PDE3B: variants seen among roughly 807,000 people sequenced by gnomAD.
The protein encoded by PDE3B is phosphodiesterase 3B.
A neutral mutation model predicts 116.8 loss-of-function variants in PDE3B; 66 were observed. The observed-to-expected ratio is 0.56, with a 90% CI of 0.46 to 0.69. The LOEUF (loss-of-function observed/expected upper bound fraction) is 0.69. PDE3B is among the 30% of genes least tolerant of loss of function. The probability of loss-of-function intolerance (pLI) is 0.00; values close to 1 mark genes in which losing one functional copy is unlikely to be tolerated. For synonymous variants in PDE3B, 595 were observed against 533.6 expected (o/e 1.12, Z -1.59); for missense variants, 1,384 against 1,368.1 (o/e 1.01, Z -0.18).
At chr11:14,695,048 T>A (rs1253351209) in intron 1 of PDE3B, among the ~76,000 whole-genome samples, 1 of 152,220 alleles carries the variant, frequency 6.6e-6, no homozygotes, top group African/African-American at 2.4e-5. Context: ...GTTCACCCTT[T>A]GAGTCATTAC....
chr11:14,829,459 A>G (rs941024238), intron 7 of PDE3B, among the ~76,000 whole-genome samples: 2 of 152,142 alleles, frequency 1.3e-5, no homozygotes, highest in African/African-American at 4.8e-5. Context: ...AATGATTATC[A>G]TAGTTTTTCT....
intron 5 of PDE3B, 58 bp downstream of exon 5, chr11:14,804,108 A>G (rs1435679980): frequency 2.3e-6 from 2 of 888,750 alleles, no homozygotes; most frequent in Non-Finnish European, 3.7e-6. Context: ...ATGGTAGTGT[A>G]AACACTTTTC....
chr11:14,761,944 T>TGATTA (rs1172723707), intron 1 of PDE3B, among the ~76,000 whole-genome samples: 2 of 152,172 alleles, frequency 1.3e-5, no homozygotes, highest in African/African-American at 4.8e-5. Flanking sequence ...AATTAAAGTC[T>TGATTA]ACTCTGATGC....
chr11:14,655,477 A>G (rs1285476312), intron 1 of PDE3B, among the ~76,000 whole-genome samples: 3 of 152,142 alleles, frequency 2.0e-5, no homozygotes, highest in Non-Finnish European at 4.4e-5. Context: ...ATTACCTTTC[A>G]GTTATTAGCC....
At chr11:14,709,528 C>A (rs1855636344) in intron 1 of PDE3B, among the ~76,000 whole-genome samples, 1 of 152,136 alleles carries the variant, frequency 6.6e-6, no homozygotes, top group South Asian at 2.1e-4. Flanking sequence ...AACCTGGGGA[C>A]AGTACCAACC....
At chr11:14,765,219 T>C (rs563501218) in intron 1 of PDE3B, among the ~76,000 whole-genome samples, 4 of 152,118 alleles carry the variant, frequency 2.6e-5, no homozygotes, top group Non-Finnish European at 5.9e-5. Flanking sequence ...AGCCGTACTA[T>C]AATAAGTATT....
intron 4 of PDE3B, among the ~76,000 whole-genome samples, chr11:14,795,242 C>T (rs1858515917): frequency 6.6e-6 from 1 of 152,186 alleles, no homozygotes; most frequent in Non-Finnish European, 1.5e-5. Context: ...TAGAAGCTGC[C>T]AGCCATCAGT....
chr11:14,789,965 A>C (rs1388176084), intron 4 of PDE3B, among the ~76,000 whole-genome samples: 6 of 152,038 alleles, frequency 3.9e-5, no homozygotes, highest in Non-Finnish European at 8.8e-5. Flanking sequence ...TCAGCTTTCT[A>C]ATTATGTTAA....
chr11:14,669,590 T>G (rs1279856036), intron 1 of PDE3B, among the ~76,000 whole-genome samples: 2 of 151,844 alleles, frequency 1.3e-5, no homozygotes, highest in Non-Finnish European at 2.9e-5. Flanking sequence ...CATTAAGTAT[T>G]CCTCATGCTA....
chr11:14,677,517 C>T (rs978948295), intron 1 of PDE3B, among the ~76,000 whole-genome samples: 1 of 151,808 alleles, frequency 6.6e-6, no homozygotes, highest in African/African-American at 2.4e-5. Context: ...AAGTATTTAC[C>T]TTTTATTTTT....
chr11:14,786,786 A>T (rs1181409823), intron 3 of PDE3B, 101 bp downstream of exon 3: 4 of 913,432 alleles, frequency 4.4e-6, no homozygotes, highest in Non-Finnish European at 6.7e-6. Flanking sequence ...TTTCGTTTCA[A>T]GGATCAGACA....
the PDE3B span, chr11:14,879,424 A>G: frequency 3.1e-6 from 5 of 1,603,326 alleles, no homozygotes; most frequent in South Asian, 5.5e-5. Context: ...TAATTAAATC[A>G]ATCTCTTTCT....
At chr11:14,674,240 C>T (rs1183793473) in intron 1 of PDE3B, 1 of 1,203,846 alleles carries the variant, frequency 8.3e-7, no homozygotes, top group Admixed American at 1.7e-5. Context: ...TTCACTTCAA[C>T]ATTTTTCTGT....
the PDE3B span, among the ~76,000 whole-genome samples, chr11:14,892,867 G>T: frequency 2.0e-5 from 3 of 152,092 alleles, no homozygotes; most frequent in African/African-American, 7.2e-5. Flanking sequence ...TTACTTATTG[G>T]CAATCACGGG....
chr11:14,790,835 T>C (rs949549984), intron 4 of PDE3B, among the ~76,000 whole-genome samples: 1 of 152,098 alleles, frequency 6.6e-6, no homozygotes, highest in African/African-American at 2.4e-5. Context: ...CTATGTGTAC[T>C]TTGCACATAG....
At chr11:14,739,626 C>T (rs1856705194) in intron 1 of PDE3B, among the ~76,000 whole-genome samples, 1 of 152,186 alleles carries the variant, frequency 6.6e-6, no homozygotes, top group Non-Finnish European at 1.5e-5. Flanking sequence ...CTGGCCAGAA[C>T]TTCCAATACT....
intron 5 of PDE3B, among the ~76,000 whole-genome samples, chr11:14,807,300 T>A (rs1266221438): frequency 1.3e-5 from 2 of 152,142 alleles, no homozygotes; most frequent in Non-Finnish European, 2.9e-5. Flanking sequence ...TAACTTTCTT[T>A]TAGCATTTAT....
intron 4 of PDE3B, among the ~76,000 whole-genome samples, chr11:14,793,814 G>A (rs1172754003): frequency 5.9e-5 from 9 of 152,144 alleles, no homozygotes; most frequent in African/African-American, 1.7e-4. Flanking sequence ...CCTGGCAATA[G>A]TATGTATGTT....
chr11:14,645,673 A>G (rs1347455048), intron 1 of PDE3B, among the ~76,000 whole-genome samples: 2 of 152,214 alleles, frequency 1.3e-5, no homozygotes, highest in East Asian at 3.8e-4. Flanking sequence ...TTTGTTGCAT[A>G]ATTAGGAGAC....
Sources: allele counts gnomAD v4.1 joint callset (sites outside exome capture counted in the v4.1 genomes callset), GRCh38; gene constraint gnomAD v4.1.1; transcripts MANE v1.5; gene names NCBI Gene and HGNC (gene_info 2026-07-23, HGNC 2026-07-21).